GRIP1: variants seen among roughly 807,000 people sequenced by gnomAD.
GRIP1 encodes glutamate receptor-interacting protein 1.
In GRIP1, 45 loss-of-function variants were observed where a neutral mutation model predicts 129.9. The observed-to-expected ratio is 0.35, with a 90% confidence interval of 0.27 to 0.44. The LOEUF (loss-of-function observed/expected upper bound fraction) is 0.44. Among genes scored for constraint, GRIP1 ranks in the 20% least tolerant of loss-of-function variants. The pLI is 1.00. For missense variants in GRIP1, 1,196 were observed against 1,396.8 expected, an observed-to-expected ratio of 0.86 and a Z score of 2.29; for synonymous variants, 530 against 520.8, an observed-to-expected ratio of 1.02 and a Z score of -0.24.
chr12:66,508,520 A>G (rs530273274), intron 7 of GRIP1, among the ~76,000 whole-genome samples: 30 of 152,278 alleles, frequency 2.0e-4, no homozygotes, highest in African/African-American at 7.0e-4. Flanking sequence ...AAAATGAGAG[A>G]TTGAATAATC....
Position 66,392,501 on chromosome 12 carries a change from G to A in GRIP1, c.2271C>T (p.Ala757=). Residue 757 remains alanine, a splice_region_variant and synonymous_variant, in exon 19 of 25, where the codon GCC becomes GCT. Transcript: ENST00000359742. ...VTLKIKKQTD[A]QSASSPKKFP... ...ACTTCTTGGGGCTCGATGCTGACTG[G>A]GCTTTATAGACAGGAAAGGAGTTTA... is the stretch of plus-strand genomic sequence containing the variant. 3 of 1,613,496 alleles carry A rather than the reference G, an allele frequency of 1.9e-6. No individual in the cohort carries two copies. Among genetic ancestry groups the A allele is most frequent in the African/African-American group, 1.3e-5 (1 of 74,978 alleles).
chr12:66,596,433 G>A (rs1214258904), intron 2 of GRIP1, among the ~76,000 whole-genome samples: 1 of 152,178 alleles, frequency 6.6e-6, no homozygotes. Flanking sequence ...TCAAAGAGAT[G>A]AGAAGAAAAG....
At chr12:66,866,847 T>C (rs1473066967) in intron 1 of GRIP1, among the ~76,000 whole-genome samples, 1 of 152,192 alleles carries the variant, frequency 6.6e-6, no homozygotes, top group Non-Finnish European at 1.5e-5. Context: ...AATAATGTGA[T>C]GTAATGCACA....
rs1491586134 is a variant in GRIP1, at chr12:66,977,808, T to TTTTGCA, written c.58+91241_58+91242insTGCAAA. Among the ~76,000 whole-genome samples the TTTTGCA allele has an allele frequency of 9.6e-3, 322 of 33,542 alleles. 6 individuals carry two copies. The highest frequency in any genetic ancestry group is 0.051 in the African/African-American group (311 of 6,050). The allele number at this position is 33,542 out of a possible 152,430, so 22.0% of individuals were successfully genotyped here. On this transcript the variant is annotated intron_variant, in intron 1 of 1. Transcript: ENST00000643019. ...CTATAGTCAGTTCTAGAGCTGAGCA[T>TTTTGCA]TTTTTTTTTTTTTTTTTTTTTTTTT... is the stretch of plus-strand genomic sequence containing the variant.
chr12:66,387,099 C>T (rs1373401750), intron 19 of GRIP1, among the ~76,000 whole-genome samples: 1 of 152,102 alleles, frequency 6.6e-6, no homozygotes, highest in Non-Finnish European at 1.5e-5. Context: ...AGAGAAGACA[C>T]CTATGGCCAG....
chr12:67,037,659 C>T (rs1381734229), intron 1 of GRIP1, among the ~76,000 whole-genome samples: 1 of 152,052 alleles, frequency 6.6e-6, no homozygotes, highest in African/African-American at 2.4e-5. Context: ...TTTATCATTT[C>T]TTTATATTAA....
chr12:66,699,560 T>C (rs1209669124), intron 1 of GRIP1, among the ~76,000 whole-genome samples: 1 of 152,194 alleles, frequency 6.6e-6, no homozygotes, highest in Non-Finnish European at 1.5e-5. Flanking sequence ...TTGCTCCTCA[T>C]TCGCCTTCCA....
At chr12:66,901,465 C>A (rs143167529) in intron 1 of GRIP1, among the ~76,000 whole-genome samples, 441 of 152,274 alleles carry the variant, frequency 2.9e-3, no homozygotes, top group African/African-American at 9.7e-3. Context: ...TTCTTGAGAC[C>A]CTCCAAATAG....
intron 23 of GRIP1, among the ~76,000 whole-genome samples, chr12:66,368,777 A>G (rs977297943): frequency 1.3e-5 from 2 of 152,206 alleles, no homozygotes; most frequent in Non-Finnish European, 2.9e-5. Flanking sequence ...GTAGTCTTTC[A>G]GTGTTCAAAA....
At chr12:66,466,395 G>A (rs1037827870) in intron 7 of GRIP1, among the ~76,000 whole-genome samples, 1 of 152,196 alleles carries the variant, frequency 6.6e-6, no homozygotes, top group Non-Finnish European at 1.5e-5. Context: ...ACTAATAGTT[G>A]TGGAATGAAT....
Position 66,463,022 on chromosome 12 carries a change from G to A in GRIP1, c.944C>T (p.Ala315Val). The A allele has an allele frequency of 6.2e-7, 1 of 1,613,794 alleles. No individual in the cohort carries two copies. The highest frequency in any genetic ancestry group is 8.5e-7 in the Non-Finnish European group (1 of 1,179,758). ...GTTGGCCAGGAACTGGGTTGCTTCT[G>A]CAAGTGTACAGTACTCCATGCTGGT... Reference protein sequence around the residue: ...DGTSMEYCTLAEATQFLANTT... With the variant: ...DGTSMEYCTLVEATQFLANTT... The change falls in exon 9 of 25, where the codon GCA (alanine) becomes GTA (valine). Residue 315 changes from alanine to valine, a missense_variant. Coordinates refer to ENST00000359742, the MANE Select transcript of GRIP1 (RefSeq NM_001366722.1).
intron 1 of GRIP1, among the ~76,000 whole-genome samples, chr12:66,852,165 C>T (rs1475893666): frequency 1.3e-5 from 2 of 152,018 alleles, no homozygotes; most frequent in Non-Finnish European, 2.9e-5. Flanking sequence ...ATTCATTCTT[C>T]CATTTCTGGA....
chr12:66,559,710 A>T (rs1046274600), intron 2 of GRIP1, among the ~76,000 whole-genome samples: 1 of 152,200 alleles, frequency 6.6e-6, no homozygotes, highest in Non-Finnish European at 1.5e-5. Context: ...ATGTTCATGG[A>T]TTGGAAGAAT....
intron 1 of GRIP1, among the ~76,000 whole-genome samples, chr12:66,695,542 C>T (rs1487651553): frequency 1.3e-5 from 2 of 152,096 alleles, no homozygotes; most frequent in Non-Finnish European, 2.9e-5. Flanking sequence ...ATCTGAAAGC[C>T]CTTGCTAGGC....
chr12:66,484,911 C>T (rs986880126), intron 7 of GRIP1, among the ~76,000 whole-genome samples: 2 of 152,170 alleles, frequency 1.3e-5, no homozygotes, highest in Non-Finnish European at 2.9e-5. Context: ...TCATTATACA[C>T]TCTATGTAGG....
chr12:66,774,685 G>A (rs772535488), intron 1 of GRIP1, among the ~76,000 whole-genome samples: 3 of 152,102 alleles, frequency 2.0e-5, no homozygotes, highest in Non-Finnish European at 4.4e-5. Context: ...TAGGCTACAC[G>A]AATGGAAATA....
At chr12:66,827,379 TGTGTGTGTGAGAGA>T (rs1324762632) in intron 1 of GRIP1, among the ~76,000 whole-genome samples, 1 of 103,038 alleles carries the variant, frequency 9.7e-6, no homozygotes, top group Non-Finnish European at 2.0e-5. Context: ...TGTGTGTGTG[TGTGTGTGTGAGAGA>T]GAGAGAGAGA....
At chr12:66,396,684 A>C (rs2056800560) in intron 16 of GRIP1, among the ~76,000 whole-genome samples, 1 of 152,176 alleles carries the variant, frequency 6.6e-6, no homozygotes, top group Admixed American at 6.5e-5. Context: ...GGTACCTCTT[A>C]ACTAAGAAGG....
At chr12:67,012,633 T>A (rs547339442) in intron 1 of GRIP1, among the ~76,000 whole-genome samples, 1 of 152,288 alleles carries the variant, frequency 6.6e-6, no homozygotes, top group Non-Finnish European at 1.5e-5. Flanking sequence ...ATCCTCAGTT[T>A]GCAGATAAGC....
Sources: allele counts gnomAD v4.1 joint callset (sites outside exome capture counted in the v4.1 genomes callset), GRCh38; gene constraint gnomAD v4.1.1; transcripts MANE v1.5; gene names NCBI Gene and HGNC (gene_info 2026-07-23, HGNC 2026-07-21).